Variants in MATR3 observed in about 807,000 individuals in gnomAD.
The protein encoded by MATR3 is matrin-3.
Under a neutral mutation model 85.5 loss-of-function variants are expected in MATR3, and 4 were observed. The ratio of observed to expected loss-of-function variants is 0.05; its 90% CI spans 0.02 to 0.11. MATR3 has a LOEUF of 0.11. MATR3 is among the 10% of genes least tolerant of loss of function. MATR3 has a pLI of 1.00. For synonymous variants in MATR3, 336 were observed against 343.1 expected (o/e 0.98, Z 0.23); for missense variants, 685 against 1,016.1 (o/e 0.67, Z 4.43).
Position 139,330,013 on chromosome 5 carries a change from A to G in MATR3, c.*618A>G. 1 of 453,696 alleles carries G rather than the reference A, an allele frequency of 2.2e-6. No homozygotes were observed. The highest frequency in any genetic ancestry group is 4.4e-6 in the Non-Finnish European group (1 of 226,268). The allele number at this position is 453,696 out of a possible 1,614,324, so 28.1% of individuals were successfully genotyped here. A position where few individuals can be genotyped will look rare whatever the true frequency, so the allele number is the denominator to read the frequency against. ...TAATTTTTTTCCCTGAGTTCCTGCT[A>G]GATTTCGTATTCTAGTAGTCAATGT... On this transcript the variant is annotated 3_prime_UTR_variant, in exon 15 of 15. Transcript: ENST00000394805.
intron 12 of MATR3, 167 bp from the exon 13 acceptor site, chr5:139,325,272 GA>G: frequency 6.4e-7 from 1 of 1,550,996 alleles, no homozygotes. Context: ...AATTGTTGCA[GA>G]GTAAATTTGT....
chr5:139,292,738 G>A (rs1753919030), upstream of MATR3, among the ~76,000 whole-genome samples: 1 of 152,150 alleles, frequency 6.6e-6, no homozygotes, highest in African/African-American at 2.4e-5. Context: ...AGGAGATCGA[G>A]AGCATCCTGG....
At chr5:139,288,797 C>T (rs530043876), upstream of MATR3, among the ~76,000 whole-genome samples, 31 of 152,210 alleles carry the variant, frequency 2.0e-4, no homozygotes, top group African/African-American at 6.7e-4. Context: ...CCTGCCACCA[C>T]GCCCAGCTAA....
intron 12 of MATR3, chr5:139,325,169 G>T: frequency 1.5e-6 from 2 of 1,336,656 alleles, no homozygotes; most frequent in Non-Finnish European, 2.0e-6. Context: ...CCCCAGCCTG[G>T]TCGACAGAGC....
chr5:139,274,224 C>G (rs1317520488), intron 1 of MATR3: 3 of 361,348 alleles, frequency 8.3e-6, no homozygotes, highest in East Asian at 1.5e-4. Context: ...AGAAGCAGTG[C>G]AGGGTGGCTT....
At chr5:139,298,114 C>G (rs1754253505) in intron 1 of MATR3, among the ~76,000 whole-genome samples, 1 of 152,158 alleles carries the variant, frequency 6.6e-6, no homozygotes, top group Non-Finnish European at 1.5e-5. Context: ...ACTTTCAGAT[C>G]TTTTAGGATG....
intron 12 of MATR3, among the ~76,000 whole-genome samples, 182 bp downstream of exon 12, chr5:139,323,149 A>G (rs1188545719): frequency 6.6e-6 from 1 of 152,164 alleles, no homozygotes; most frequent in African/African-American, 2.4e-5. Flanking sequence ...AAGACATTTT[A>G]TTATAGTTGG....
At chr5:139,315,561 C>T in intron 3 of MATR3, 136 bp from the exon 4 acceptor site, 1 of 626,036 alleles carries the variant, frequency 1.6e-6, no homozygotes, top group South Asian at 2.0e-5. Context: ...ATTGGAAATG[C>T]TTTAAAACTA....
chr5:139,298,271 C>T (rs574882815), intron 1 of MATR3, among the ~76,000 whole-genome samples: 2 of 152,184 alleles, frequency 1.3e-5, no homozygotes, highest in South Asian at 4.2e-4. Flanking sequence ...AGAATAATGT[C>T]AAAGAAATAC....
intron 1 of MATR3, among the ~76,000 whole-genome samples, chr5:139,303,748 CTT>C (rs577357270): frequency 9.4e-5 from 14 of 149,444 alleles, no homozygotes; most frequent in African/African-American, 2.9e-4. Context: ...CAGACACTGT[CTT>C]TTTTTTTTAA....
intron 1 of MATR3, among the ~76,000 whole-genome samples, chr5:139,303,467 G>T (rs1208743324): frequency 6.6e-6 from 1 of 152,194 alleles, no homozygotes; most frequent in Non-Finnish European, 1.5e-5. Context: ...TCCATGTGGA[G>T]TAGTAGATAC....
intron 3 of MATR3, among the ~76,000 whole-genome samples, chr5:139,287,230 A>T (rs778205636): frequency 6.6e-6 from 1 of 152,252 alleles, no homozygotes; most frequent in Admixed American, 6.5e-5. Flanking sequence ...GTGTCAAAGT[A>T]TATGTCCCCA....
chr5:139,319,194 A>G (rs1755412658), intron 8 of MATR3, 140 bp from the exon 9 acceptor site: 1 of 1,242,994 alleles, frequency 8.0e-7, no homozygotes, highest in Non-Finnish European at 1.2e-6. Flanking sequence ...TGTGAGGCCC[A>G]GGAGTTCCAG....
intron 14 of MATR3, 138 bp downstream of exon 14, chr5:139,326,422 C>CA: frequency 3.7e-6 from 2 of 537,484 alleles, no homozygotes; most frequent in South Asian, 2.5e-5. Context: ...TTTTTATTTA[C>CA]TTTTTTTTTT....
intron 2 of MATR3, 41 bp from the exon 3 acceptor site, chr5:139,314,633 CA>C: frequency 6.6e-7 from 1 of 1,508,274 alleles, no homozygotes; most frequent in Non-Finnish European, 9.2e-7. Context: ...GAAAATATTT[CA>C]GCTTTATTTT....
At chr5:139,319,121 GC>G in intron 8 of MATR3, 88 bp downstream of exon 8, 1 of 1,457,794 alleles carries the variant, frequency 6.9e-7, no homozygotes, top group Non-Finnish European at 9.5e-7. Flanking sequence ...TATTGCTAAG[GC>G]CAGGTGTGGT....
At chr5:139,298,638 A>G (rs1561927892) in intron 1 of MATR3, among the ~76,000 whole-genome samples, 1 of 152,232 alleles carries the variant, frequency 6.6e-6, no homozygotes, top group Non-Finnish European at 1.5e-5. Flanking sequence ...TGGATAATTA[A>G]AACTAGAGCA....
intron 3 of MATR3, among the ~76,000 whole-genome samples, chr5:139,288,118 G>A (rs1032428140): frequency 6.6e-6 from 1 of 152,150 alleles, no homozygotes; most frequent in Non-Finnish European, 1.5e-5. Context: ...CGGAGGCTGA[G>A]GTGAAGGAAC....
intron 1 of MATR3, among the ~76,000 whole-genome samples, chr5:139,305,108 C>T (rs986963333): frequency 1.3e-5 from 2 of 152,190 alleles, no homozygotes; most frequent in Admixed American, 6.5e-5. Context: ...TACGTTGAAA[C>T]TGAGTATCTT....
Sources: gnomAD v4.1 joint callset for allele counts (sites outside exome capture counted in the v4.1 genomes callset) on GRCh38, gnomAD v4.1.1 for gene constraint, MANE v1.5 for transcripts, NCBI Gene and HGNC (gene_info 2026-07-23, HGNC 2026-07-21) for gene names.